Variants in CDKAL1 observed in about 807,000 individuals in gnomAD.
CDKAL1 encodes the protein CDKAL1 threonylcarbamoyladenosine tRNA methylthiotransferase, also known as threonylcarbamoyladenosine tRNA methylthiotransferase.
A neutral mutation model predicts 68.2 loss-of-function variants in CDKAL1; 32 were observed. That is an observed-to-expected ratio of 0.47 (90% confidence interval 0.35 to 0.63). The LOEUF (loss-of-function observed/expected upper bound fraction) is 0.63, where lower values mean the gene tolerates loss of function less well. Ranked by LOEUF, CDKAL1 falls within the 30% of genes least tolerant of loss-of-function variation. The pLI, the probability that CDKAL1 is intolerant of heterozygous loss-of-function variation, is 0.00. For missense variants in CDKAL1, 606 were observed against 696.7 expected (o/e 0.87, Z 1.47); for synonymous variants, 234 against 244.3 (o/e 0.96, Z 0.39).
chr6:21,215,551 T>A (rs1011802818), intron 15 of CDKAL1, among the ~76,000 whole-genome samples: 1 of 152,200 alleles, frequency 6.6e-6, no homozygotes, highest in African/African-American at 2.4e-5. Flanking sequence ...CAACCTGAGA[T>A]CTAATCCTTT....
intron 10 of CDKAL1, among the ~76,000 whole-genome samples, chr6:20,967,945 G>A (rs1175365303): frequency 6.6e-6 from 1 of 151,928 alleles, no homozygotes; most frequent in Non-Finnish European, 1.5e-5. Flanking sequence ...TCTTCCATAT[G>A]GTTTCTTTGG....
intron 5 of CDKAL1, among the ~76,000 whole-genome samples, chr6:20,729,389 A>T (rs192512321): frequency 2.6e-4 from 39 of 152,304 alleles, no homozygotes; most frequent in Non-Finnish European, 7.4e-5. Flanking sequence ...ATCCAACAAA[A>T]GTAGTTATTT....
At chr6:20,890,120 AT>A (rs1474344958) in intron 9 of CDKAL1, among the ~76,000 whole-genome samples, 2 of 152,246 alleles carry the variant, frequency 1.3e-5, no homozygotes. Flanking sequence ...AAAGAAAAAA[AT>A]AATCCTGAGC....
At chr6:21,078,593 G>A (rs962063954) in intron 12 of CDKAL1, among the ~76,000 whole-genome samples, 1 of 152,100 alleles carries the variant, frequency 6.6e-6, no homozygotes, top group African/African-American at 2.4e-5. Context: ...TCCACTCCTC[G>A]ATCTTGCCAT....
chr6:20,837,879 A>G (rs931300085), intron 8 of CDKAL1, among the ~76,000 whole-genome samples: 1 of 149,078 alleles, frequency 6.7e-6, no homozygotes, highest in African/African-American at 2.5e-5. Context: ...ACAACCTACA[A>G]CCCCAAAACC....
intron 5 of CDKAL1, among the ~76,000 whole-genome samples, chr6:20,693,997 C>T (rs4710941): frequency 0.18 from 26,668 of 151,042 alleles, 2,522 homozygotes; most frequent in East Asian, 0.37. Context: ...TTCAGCCTCC[C>T]GAGGAGCTGG....
intron 4 of CDKAL1, among the ~76,000 whole-genome samples, chr6:20,558,128 T>C (rs1764132055): frequency 6.6e-6 from 1 of 152,214 alleles, no homozygotes. Context: ...TATTCAAAGC[T>C]GCCTTTGTGT....
chr6:20,955,626 A>C (rs1764740300), intron 10 of CDKAL1, 41 bp downstream of exon 10: 2 of 1,580,694 alleles, frequency 1.3e-6, no homozygotes, highest in Non-Finnish European at 8.7e-7. Flanking sequence ...CATAGACACT[A>C]ACCAGTCCAG....
At chr6:20,790,885 C>T (rs1335105098) in intron 8 of CDKAL1, among the ~76,000 whole-genome samples, 1 of 151,674 alleles carries the variant, frequency 6.6e-6, no homozygotes, top group Non-Finnish European at 1.5e-5. Context: ...TGTGAGTACA[C>T]AAAAAAGGTT....
intron 13 of CDKAL1, among the ~76,000 whole-genome samples, chr6:21,164,326 A>G (rs752139503): frequency 1.3e-5 from 2 of 152,022 alleles, no homozygotes; most frequent in Non-Finnish European, 2.9e-5. Flanking sequence ...TTTTACTAGC[A>G]TTTAGAATCT....
intron 9 of CDKAL1, among the ~76,000 whole-genome samples, chr6:20,853,402 CAAAAA>C (rs869195000): frequency 2.9e-5 from 1 of 34,374 alleles, no homozygotes. Context: ...AAAAAAAAAA[CAAAAA>C]AAAAAACCCT....
At chr6:21,033,042 T>A (rs1481669045) in intron 11 of CDKAL1, among the ~76,000 whole-genome samples, 1 of 152,182 alleles carries the variant, frequency 6.6e-6, no homozygotes, top group Admixed American at 6.6e-5. Flanking sequence ...CAACATCTAC[T>A]GTAGAGACCA....
chr6:20,811,479 T>C (rs1353890122), intron 8 of CDKAL1, among the ~76,000 whole-genome samples: 6 of 152,332 alleles, frequency 3.9e-5, no homozygotes, highest in East Asian at 3.9e-4. Flanking sequence ...TTTTGCAGTT[T>C]ATTTAAGGAA....
intron 9 of CDKAL1, among the ~76,000 whole-genome samples, chr6:20,949,700 A>G (rs1764427441): frequency 6.6e-6 from 1 of 152,066 alleles, no homozygotes; most frequent in Non-Finnish European, 1.5e-5. Context: ...ACCAATAATT[A>G]TAACACACTG....
At chr6:20,668,717 T>C (rs1769668587) in intron 5 of CDKAL1, among the ~76,000 whole-genome samples, 1 of 152,242 alleles carries the variant, frequency 6.6e-6, no homozygotes, top group Non-Finnish European at 1.5e-5. Flanking sequence ...ACAGACTTAA[T>C]TCACATTTTG....
intron 15 of CDKAL1, among the ~76,000 whole-genome samples, chr6:21,229,777 C>T (rs1481684881): frequency 5.9e-5 from 9 of 152,110 alleles, no homozygotes; most frequent in African/African-American, 2.2e-4. Context: ...GGGGAGGCAC[C>T]GATTCTGAAG....
chr6:20,653,908 G>C (rs1328540019), intron 5 of CDKAL1, among the ~76,000 whole-genome samples: 4 of 152,110 alleles, frequency 2.6e-5, no homozygotes, highest in Non-Finnish European at 5.9e-5. Flanking sequence ...ACTGCGCCTA[G>C]TCAATTTTTT....
chr6:20,674,511 A>G (rs1054898420), intron 5 of CDKAL1, among the ~76,000 whole-genome samples: 3 of 152,250 alleles, frequency 2.0e-5, no homozygotes, highest in Non-Finnish European at 4.4e-5. Context: ...TAGTACATGC[A>G]TACAATGTGT....
chr6:21,205,226 C>A (rs965993844), intron 15 of CDKAL1, among the ~76,000 whole-genome samples: 11 of 152,192 alleles, frequency 7.2e-5, no homozygotes, highest in East Asian at 5.8e-4. Context: ...GTTGCTTCTA[C>A]CATTTGGCTG....
Sources: allele counts gnomAD v4.1 joint callset (sites outside exome capture counted in the v4.1 genomes callset), GRCh38; gene constraint gnomAD v4.1.1; transcripts MANE v1.5; gene names NCBI Gene and HGNC (gene_info 2026-07-23, HGNC 2026-07-21).